Variants in GRIA4 observed in about 807,000 individuals in gnomAD.
GRIA4 encodes glutamate ionotropic receptor AMPA type subunit 4.
GRIA4 carries 34 observed loss-of-function variants against 104.0 expected under a neutral mutation model. The observed-to-expected ratio is 0.33, with a 90% CI of 0.25 to 0.44. The LOEUF is 0.44. Among genes scored for constraint, GRIA4 ranks in the 20% least tolerant of loss-of-function variants. The pLI is 1.00. For synonymous variants in GRIA4, 386 were observed against 381.9 expected (o/e 1.01, Z -0.13); for missense variants, 750 against 1,096.5 (o/e 0.68, Z 4.46).
intron 14 of GRIA4, among the ~76,000 whole-genome samples, chr11:105,944,525 C>T (rs1389259720): frequency 6.6e-6 from 1 of 151,624 alleles, no homozygotes; most frequent in Non-Finnish European, 1.5e-5. Flanking sequence ...TAGACAGTAG[C>T]CTCAACAGAG....
At chr11:105,919,804 A>G (rs778851379) in intron 11 of GRIA4, among the ~76,000 whole-genome samples, 9 of 152,130 alleles carry the variant, frequency 5.9e-5, no homozygotes, top group Non-Finnish European at 1.0e-4. Flanking sequence ...AGTAACACAT[A>G]CTCGAAATGT....
chr11:105,809,727 T>C (rs1357743131), intron 4 of GRIA4, among the ~76,000 whole-genome samples: 1 of 152,152 alleles, frequency 6.6e-6, no homozygotes, highest in Non-Finnish European at 1.5e-5. Context: ...TCCCAAACCA[T>C]GCAGAACTGT....
At chr11:105,615,116 A>G (rs997641059) in intron 3 of GRIA4, among the ~76,000 whole-genome samples, 2 of 151,806 alleles carry the variant, frequency 1.3e-5, no homozygotes, top group African/African-American at 2.4e-5. Flanking sequence ...AAACTGGAGG[A>G]TCTGATCTGT....
chr11:105,968,510 G>A (rs955081229), intron 14 of GRIA4, among the ~76,000 whole-genome samples: 3 of 152,172 alleles, frequency 2.0e-5, no homozygotes, highest in African/African-American at 7.2e-5. Context: ...GTGCTGTGAA[G>A]TTCTGACCAT....
chr11:105,926,877 G>C lies in GRIA4; in HGVS notation c.1984G>C (p.Ala662Pro). 1 of 1,612,220 alleles carries C rather than the reference G, an allele frequency of 6.2e-7. No individual in the cohort carries two copies. Among genetic ancestry groups the C allele is most frequent in the East Asian group, 2.2e-5 (1 of 44,790 alleles). ...VSPIESAEDL[A>P]KQTEIAYGTL... is the part of the protein sequence containing the mutation. ...TCCCATAGAAAGTGCAGAAGACCTG[G>C]CCAAACAAACAGAAATTGCCTATGG... The change falls in exon 13 of 17, where the codon GCC becomes CCC. Residue 662 changes from alanine (A) to proline (P), a missense_variant. Around this residue, in one of 3 missense-constraint regions of GRIA4, gnomAD observed 272 missense variants for 524.5 expected, o/e 0.52. Transcript: ENST00000282499.
At chr11:105,877,477 C>G (rs1231677302) in intron 5 of GRIA4, among the ~76,000 whole-genome samples, 2 of 152,178 alleles carry the variant, frequency 1.3e-5, no homozygotes, top group Admixed American at 6.5e-5. Flanking sequence ...TGAGGTAGTT[C>G]TCCTGGATAA....
intron 3 of GRIA4, among the ~76,000 whole-genome samples, chr11:105,669,880 T>C (rs897288969): frequency 6.6e-6 from 1 of 152,118 alleles, no homozygotes; most frequent in Non-Finnish European, 1.5e-5. Context: ...TTCTGCAGGC[T>C]GCTGATCCCG....
intron 6 of GRIA4, among the ~76,000 whole-genome samples, chr11:105,896,604 G>C (rs949761971): frequency 6.6e-6 from 1 of 152,102 alleles, no homozygotes; most frequent in Non-Finnish European, 1.5e-5. Context: ...TATGGTGAAA[G>C]GTAGGAGTTC....
intron 4 of GRIA4, among the ~76,000 whole-genome samples, chr11:105,818,332 G>A (rs1943455766): frequency 6.6e-6 from 1 of 152,080 alleles, no homozygotes. Flanking sequence ...AGAGATGAAT[G>A]CTACCTCACT....
rs7124548 is a variant in GRIA4, at chr11:105,645,760, G to C, written c.247+33326G>C. The stretch of plus-strand genomic sequence containing the variant: ...CAGAACCAGAACAAAAGTAATGACA[G>C]ATAAGATATTATAGCCATGAAAGAT... On this transcript the variant is annotated intron_variant, in intron 3 of 16. Transcript: ENST00000282499. Among the ~76,000 whole-genome samples the C allele has an allele frequency of 3.6e-3, 548 of 152,254 alleles. 4 individuals carry two copies. Among genetic ancestry groups the C allele is most frequent in the African/African-American group, 0.013 (525 of 41,544 alleles).
intron 14 of GRIA4, among the ~76,000 whole-genome samples, chr11:105,965,436 A>AT (rs1858307345): frequency 6.6e-6 from 1 of 151,680 alleles, no homozygotes; most frequent in Admixed American, 6.6e-5. Flanking sequence ...GAACAACTAA[A>AT]TCGAGCACAC....
chr11:105,971,763 A>G, intron 14 of GRIA4, 151 bp from the exon 15 acceptor site: 2 of 470,450 alleles, frequency 4.3e-6, no homozygotes, highest in East Asian at 7.2e-5. Context: ...CCCCAGTTTT[A>G]TGTCTGATTC....
At chr11:105,823,668 A>G (rs1943659115) in intron 4 of GRIA4, among the ~76,000 whole-genome samples, 1 of 152,112 alleles carries the variant, frequency 6.6e-6, no homozygotes, top group South Asian at 2.1e-4. Context: ...ATCTATGGAT[A>G]TTGCAATTGG....
intron 4 of GRIA4, among the ~76,000 whole-genome samples, chr11:105,844,725 C>T (rs568314863): frequency 2.8e-4 from 43 of 152,268 alleles, no homozygotes; most frequent in African/African-American, 9.6e-4. Context: ...TTAGTGCTAT[C>T]CAGACTTTAT....
At chr11:105,839,819 C>A (rs905124554) in intron 4 of GRIA4, among the ~76,000 whole-genome samples, 1 of 151,982 alleles carries the variant, frequency 6.6e-6, no homozygotes, top group African/African-American at 2.4e-5. Flanking sequence ...CTAGTTAATT[C>A]TCTAATTAAT....
At chr11:105,925,954 C>T (rs576245985) in intron 12 of GRIA4, among the ~76,000 whole-genome samples, 1 of 152,082 alleles carries the variant, frequency 6.6e-6, no homozygotes, top group Admixed American at 6.6e-5. Context: ...TTTACTCACC[C>T]CCTTCTCACA....
At chr11:105,978,196 T>C (rs1392080597) in intron 16 of GRIA4, among the ~76,000 whole-genome samples, 1 of 152,056 alleles carries the variant, frequency 6.6e-6, no homozygotes, top group African/African-American at 2.4e-5. Flanking sequence ...TCAACAAATA[T>C]TTACTGAGTG....
Position 105,610,992 on chromosome 11 carries a change from A to G in GRIA4, c.-6A>G. The G allele has an allele frequency of 6.2e-7, 1 of 1,603,680 alleles. No individual in the cohort carries two copies. The highest frequency in any genetic ancestry group is 8.5e-7 in the Non-Finnish European group (1 of 1,171,012). On this transcript the variant is annotated 5_prime_UTR_variant, in exon 2 of 17. Coordinates refer to ENST00000282499, the MANE Select transcript of GRIA4 (RefSeq NM_000829.4). ...AGAGCGCGCGCCAGGGAGAGGAGAAAAGAAGATGAGGATTATTTCCAGACA... is the reference window on the plus strand; with the variant it reads ...AGAGCGCGCGCCAGGGAGAGGAGAAGAGAAGATGAGGATTATTTCCAGACA...
At chr11:105,618,604 G>A (rs1426149915) in intron 3 of GRIA4, among the ~76,000 whole-genome samples, 4 of 151,976 alleles carry the variant, frequency 2.6e-5, no homozygotes, top group Non-Finnish European at 5.9e-5. Context: ...GATCTGAGTG[G>A]GGAGGGTGAC....
Sources: allele counts gnomAD v4.1 joint callset (sites outside exome capture counted in the v4.1 genomes callset), GRCh38; gene constraint gnomAD v4.1.1; regional missense constraint gnomAD v4.1.1; transcripts MANE v1.5; gene names NCBI Gene and HGNC (gene_info 2026-07-23, HGNC 2026-07-21).